Variants in MTA1 observed in about 807,000 individuals in gnomAD.
MTA1 encodes the protein metastasis associated 1.
A neutral mutation model predicts 97.0 loss-of-function variants in MTA1; 15 were observed. The ratio of observed to expected loss-of-function variants is 0.15; its 90% CI spans 0.10 to 0.24. MTA1 has a LOEUF of 0.24. MTA1 is among the 10% of genes least tolerant of loss of function. The probability of loss-of-function intolerance (pLI) is 1.00; values close to 1 mark genes in which losing one functional copy is unlikely to be tolerated. For synonymous variants in MTA1, 435 were observed against 417.5 expected, an observed-to-expected ratio of 1.04 and a Z score of -0.51; for missense variants, 709 against 1,015.1, an observed-to-expected ratio of 0.70 and a Z score of 4.10.
chr14:105,461,113 G>T (rs1403484419), intron 10 of MTA1, among the ~76,000 whole-genome samples, 160 bp downstream of exon 10: 1 of 152,136 alleles, frequency 6.6e-6, no homozygotes, highest in East Asian at 1.9e-4. Flanking sequence ...GCTGCGCTCG[G>T]CCGCCATAGT....
intron 3 of MTA1, among the ~76,000 whole-genome samples, chr14:105,446,644 C>T (rs1355155969): frequency 1.3e-5 from 2 of 152,234 alleles, no homozygotes; most frequent in East Asian, 1.9e-4. Context: ...TGCTGGGAGT[C>T]GGCCAGGGCA....
At position 105,460,264 on chromosome 14, in the gene MTA1, C is replaced by T. The variant is rs146656003; in HGVS notation, c.654-94C>T. 8,199 of 1,152,842 alleles carry T rather than the reference C, an allele frequency of 7.1e-3. 71 individuals carry two copies. The highest frequency in any genetic ancestry group is 0.031 in the East Asian group (1,161 of 38,062). The allele number at this position is 1,152,842 out of a possible 1,614,324, so 71.4% of individuals were successfully genotyped here. On this transcript the variant is annotated intron_variant, in intron 8 of 20. Transcript: ENST00000331320. Reference sequence around the variant, plus strand: ...TGTGCCTTGGGGGAGTCCGTGCTGCCCGTGGCCGCTGGTCCCTGGCGCCTG... The same window carrying T: ...TGTGCCTTGGGGGAGTCCGTGCTGCTCGTGGCCGCTGGTCCCTGGCGCCTG...
chr14:105,432,790 CAA>C (rs1256469814), intron 1 of MTA1, among the ~76,000 whole-genome samples: 4 of 152,186 alleles, frequency 2.6e-5, no homozygotes, highest in Admixed American at 6.5e-5. Context: ...TTCTTATTGT[CAA>C]GAGGTAAAAT....
In MTA1 at chr14:105,468,742, C is replaced by T. The variant is rs187113129; in HGVS notation, c.1814-725C>T. 2.6e-5 allele frequency among the ~76,000 whole-genome samples: 4 copies of T among 152,326 alleles called. No homozygotes were observed. In the East Asian group the frequency reaches 7.7e-4, roughly 29 times the overall value. On this transcript the variant is annotated intron_variant, in intron 18 of 20. Transcript: ENST00000331320. ...TGAGCTGGTCCTGCTGGGAGCCGAG[C>T]CATCCTGGGACCAGCTCCCACATGC...
intron 2 of MTA1, among the ~76,000 whole-genome samples, chr14:105,442,562 A>T (rs2082573013): frequency 6.6e-6 from 1 of 152,280 alleles, no homozygotes; most frequent in African/African-American, 2.4e-5. Flanking sequence ...TAATCTCAGG[A>T]AGCAAAGGTG....
At chr14:105,454,445 G>A in intron 7 of MTA1, 135 bp downstream of exon 7, 1 of 662,730 alleles carries the variant, frequency 1.5e-6, no homozygotes. Flanking sequence ...TGTAGGCCTG[G>A]GCTCTGTCCA....
intron 1 of MTA1, among the ~76,000 whole-genome samples, chr14:105,427,889 G>A (rs1020707800): frequency 2.6e-5 from 4 of 151,364 alleles, no homozygotes; most frequent in African/African-American, 7.3e-5. Context: ...GTGGTGGTGC[G>A]TGCCTGTAAT....
chr14:105,467,491 G>A (rs146527096), intron 18 of MTA1: 47 of 455,960 alleles, frequency 1.0e-4, no homozygotes, highest in African/African-American at 8.6e-4. Context: ...GAGGCTGCTG[G>A]GTGTCCTGGC....
chr14:105,435,019 G>A (rs1324770383), intron 1 of MTA1, among the ~76,000 whole-genome samples: 1 of 152,170 alleles, frequency 6.6e-6, no homozygotes, highest in Non-Finnish European at 1.5e-5. Context: ...AGCAGTAGTG[G>A]TGAGAGTAGC....
intron 1 of MTA1, among the ~76,000 whole-genome samples, chr14:105,435,106 T>G (rs1201598803): frequency 6.6e-6 from 1 of 152,188 alleles, no homozygotes; most frequent in Non-Finnish European, 1.5e-5. Flanking sequence ...GCTGTAGGTT[T>G]TTTGTAAATG....
intron 1 of MTA1, among the ~76,000 whole-genome samples, chr14:105,426,158 G>A (rs1197545831): frequency 6.6e-6 from 1 of 152,130 alleles, no homozygotes; most frequent in Non-Finnish European, 1.5e-5. Context: ...CTGTGCGGTT[G>A]GGGGACCCCT....
rs2082404955 is a variant in MTA1, at chr14:105,438,748, G to A, written c.96+9G>A. ...TCGAGGAGCTCAACAAGGTACTGGG[G>A]GGCCCTGGTGTTGCTGCAGGGGGGT... On this transcript the variant is annotated intron_variant, in intron 2 of 20. Coordinates refer to ENST00000331320, the MANE Select transcript of MTA1 (RefSeq NM_004689.4). The A allele has an allele frequency of 1.2e-6, 2 of 1,612,386 alleles. No homozygotes were observed. Among genetic ancestry groups the A allele is most frequent in the Non-Finnish European group, 1.7e-6 (2 of 1,179,820 alleles).
At position 105,422,527 on chromosome 14, in the gene MTA1, C is replaced by T. The variant is rs1555421259; in HGVS notation, c.28+2464C>T. 6.6e-6 allele frequency among the ~76,000 whole-genome samples: 1 copy of T among 152,188 alleles called. No homozygotes were observed. On this transcript the variant is annotated intron_variant, in intron 1 of 20. Transcript: ENST00000331320. The surrounding 1 kb of genome is among the most constrained non-coding windows in gnomAD (Gnocchi z 4.3). ...TCCTGTGCCCCCCCACCCCAGGGACCTTGTGTGTAGAGGCACCAAATTTAG... is the reference window on the plus strand; with the variant it reads ...TCCTGTGCCCCCCCACCCCAGGGACTTTGTGTGTAGAGGCACCAAATTTAG...
Position 105,463,874 on chromosome 14 carries a change from G to T in MTA1, c.1077-158G>T. ...GCTCAGACCTCAGCAGTGGCTCCCAGGAACTGAAAGGGGAGAAAGGAAGAT... is the reference window on the plus strand; with the variant it reads ...GCTCAGACCTCAGCAGTGGCTCCCATGAACTGAAAGGGGAGAAAGGAAGAT... On this transcript the variant is annotated intron_variant, in intron 12 of 20. Coordinates refer to ENST00000331320, the MANE Select transcript of MTA1 (RefSeq NM_004689.4). This position sits in a 1 kb window ranked among gnomAD's most constrained non-coding sequence, Gnocchi z 5.9. 1.3e-6 allele frequency: 1 copy of T among 743,288 alleles called. No homozygotes were observed. Among genetic ancestry groups the T allele is most frequent in the African/African-American group, 1.8e-5 (1 of 56,386 alleles). The allele number at this position is 743,288 out of a possible 1,614,324, so 46.0% of individuals were successfully genotyped here.
rs2083447811 is a variant in MTA1, at chr14:105,463,656, G to C, written c.1076+105G>C. The C allele has an allele frequency of 8.1e-7, 1 of 1,240,514 alleles. No individual in the cohort carries two copies. Among genetic ancestry groups the C allele is most frequent in the African/African-American group, 1.5e-5 (1 of 66,356 alleles). 76.8% of individuals were successfully genotyped at this position (1,240,514 alleles called of 1,614,324 possible). On this transcript the variant is annotated intron_variant, in intron 12 of 20. Coordinates refer to ENST00000331320, the MANE Select transcript of MTA1 (RefSeq NM_004689.4). The surrounding 1 kb of genome is among the most constrained non-coding windows in gnomAD (Gnocchi z 5.9). ...GTCCCAAGGAAACTCAAGCTCAGAG[G>C]CTGGGAAAGTTGGGGCAGCCCCCGG...
intron 1 of MTA1, among the ~76,000 whole-genome samples, chr14:105,433,174 C>A (rs2082229807): frequency 6.6e-6 from 1 of 152,148 alleles, no homozygotes; most frequent in Admixed American, 6.5e-5. Flanking sequence ...CAGGGGTGGG[C>A]TTCCGGCGTC....
intron 8 of MTA1, among the ~76,000 whole-genome samples, chr14:105,459,001 G>C (rs1447035958): frequency 3.9e-5 from 6 of 151,994 alleles, no homozygotes; most frequent in African/African-American, 1.4e-4. Flanking sequence ...GGGGAGCTGT[G>C]TGCCTGGGGG....
chr14:105,453,711 T>C (rs1359003260), intron 6 of MTA1, among the ~76,000 whole-genome samples: 4 of 152,084 alleles, frequency 2.6e-5, no homozygotes, highest in Non-Finnish European at 4.4e-5. Context: ...CTTGGAAGGC[T>C]GAGGCAGGAG....
In MTA1 at chr14:105,463,117, C is replaced by T. The variant is rs2083424497; in HGVS notation, c.943-67C>T. 4 of 1,497,306 alleles carry T rather than the reference C, an allele frequency of 2.7e-6. No individual in the cohort carries two copies. The Admixed American group carries it at 6.7e-5, about 25-fold the overall frequency. 92.8% of individuals were successfully genotyped at this position (1,497,306 alleles called of 1,614,324 possible). ...TGTGGCCTTCTGGCCGCAGCCCTGC[C>T]CCTGCCTGCATGGTGTGCCTGCCTC... On this transcript the variant is annotated intron_variant, in intron 10 of 20. Transcript: ENST00000331320. The surrounding 1 kb of genome is among the most constrained non-coding windows in gnomAD (Gnocchi z 5.9).
Sources: allele counts gnomAD v4.1 joint callset (sites outside exome capture counted in the v4.1 genomes callset), GRCh38; gene constraint gnomAD v4.1.1; non-coding constraint Gnocchi (gnomAD v3.1); transcripts MANE v1.5; gene names NCBI Gene and HGNC (gene_info 2026-07-23, HGNC 2026-07-21).